The following IHO1 variants were observed in gnomAD, a reference collection of about 807,000 sequenced individuals.
The protein encoded by IHO1 is interactor of HORMAD1 1, also known as interactor of HORMAD1 protein 1.
Under a neutral mutation model 31.0 loss-of-function variants are expected in IHO1, and 13 were observed. The observed-to-expected ratio is 0.42, with a 90% confidence interval of 0.27 to 0.67. The LOEUF (loss-of-function observed/expected upper bound fraction) is 0.67. Ranked by LOEUF, IHO1 falls within the 30% of genes least tolerant of loss-of-function variation. The probability of loss-of-function intolerance (pLI) is 0.24; values close to 1 mark genes in which losing one functional copy is unlikely to be tolerated. For missense variants in IHO1, 599 were observed against 687.5 expected (o/e 0.87, Z 1.44); for synonymous variants, 221 against 248.4 (o/e 0.89, Z 1.04).
At chr3:49,223,628 T>G (rs2107702452) in intron 2 of IHO1, among the ~76,000 whole-genome samples, 1 of 151,918 alleles carries the variant, frequency 6.6e-6, no homozygotes, top group East Asian at 1.9e-4. Flanking sequence ...GAGGCAGAGC[T>G]TGCAGTGAGC....
chr3:49,240,749 C>T (rs2046621060), intron 3 of IHO1, among the ~76,000 whole-genome samples: 1 of 152,098 alleles, frequency 6.6e-6, no homozygotes, highest in Admixed American at 6.6e-5. Flanking sequence ...AATAAATGAC[C>T]TCCCTGAATG....
At chr3:49,212,883 C>T (rs1434502904) in intron 2 of IHO1, among the ~76,000 whole-genome samples, 2 of 152,174 alleles carry the variant, frequency 1.3e-5, no homozygotes, top group Admixed American at 1.3e-4. Context: ...GAGCTGGTTG[C>T]CACTGCTGGC....
chr3:49,256,137 C>A lies in IHO1; in HGVS notation c.640C>A (p.Gln214Lys). 3 of 1,603,312 alleles carry A rather than the reference C, an allele frequency of 1.9e-6. No individual in the cohort carries two copies. Among genetic ancestry groups the A allele is most frequent in the Non-Finnish European group, 1.7e-6 (2 of 1,174,660 alleles). Residue 214 changes from glutamine to lysine, a missense_variant, in exon 8 of 8, where the codon CAA becomes AAA. Coordinates refer to ENST00000452691, the MANE Select transcript of IHO1 (RefSeq NM_001135197.2). The surrounding 1 kb of genome is among the most constrained non-coding windows in gnomAD (Gnocchi z 4.6). ...LEMKKRFEAR[Q>K]GEFIEMKSNL... ...TTCTCACTGCCTCTCTCCCCAGAGACAAGGAGAGTTTATAGAAATGAAGTC... is the reference window on the plus strand; with the variant it reads ...TTCTCACTGCCTCTCTCCCCAGAGAAAAGGAGAGTTTATAGAAATGAAGTC...
chr3:49,214,607 CATAT>C lies in IHO1; in HGVS notation c.56+2794_56+2797del, dbSNP rs1311032715. 5.1e-3 allele frequency among the ~76,000 whole-genome samples: 126 copies of C among 24,784 alleles called. 7 individuals are homozygous for C. The highest frequency in any genetic ancestry group is 0.012 in the South Asian group (3 of 250). The allele number at this position is 24,784 out of a possible 152,430, so 16.3% of individuals were successfully genotyped here. On this transcript the variant is annotated intron_variant, in intron 2 of 7. Coordinates refer to ENST00000452691, the MANE Select transcript of IHO1 (RefSeq NM_001135197.2). Reference sequence around the variant, plus strand: ...TGAAAAACTATCTTTATTTCTAGATCATATATATATATATATATATATATATTTT... The same window carrying C: ...TGAAAAACTATCTTTATTTCTAGATCATATATATATATATATATATATTTT...
chr3:49,216,890 CTCA>C (rs2046293171), intron 2 of IHO1, among the ~76,000 whole-genome samples: 2 of 152,190 alleles, frequency 1.3e-5, no homozygotes, highest in African/African-American at 4.8e-5. Context: ...TGCAGAAATG[CTCA>C]TCATCACTTG....
At chr3:49,238,899 T>C (rs2107722785) in intron 3 of IHO1, among the ~76,000 whole-genome samples, 1 of 152,276 alleles carries the variant, frequency 6.6e-6, no homozygotes, top group South Asian at 2.1e-4. Context: ...CTGGAGCACA[T>C]TCCTTGAGGG....
At chr3:49,192,761 TGGC>T in the IHO1 span, among the ~76,000 whole-genome samples, 1 of 152,090 alleles carries the variant, frequency 6.6e-6, no homozygotes, top group Admixed American at 6.5e-5. Flanking sequence ...CTGGGTGTGG[TGGC>T]ATATACCTGT....
At chr3:49,241,421 T>A (rs867453373) in intron 4 of IHO1, 32 bp downstream of exon 4, 1 of 1,560,574 alleles carries the variant, frequency 6.4e-7, no homozygotes. Context: ...ATGAAAGAAC[T>A]CACCTTTTCT....
At chr3:49,224,676 C>T (rs1285100361) in intron 2 of IHO1, among the ~76,000 whole-genome samples, 4 of 152,070 alleles carry the variant, frequency 2.6e-5, no homozygotes, top group Non-Finnish European at 4.4e-5. Context: ...ACCTGCCCTT[C>T]GTATCCCATT....
chr3:49,229,291 C>T (rs1040494310), intron 2 of IHO1, among the ~76,000 whole-genome samples: 4 of 152,330 alleles, frequency 2.6e-5, no homozygotes, highest in Admixed American at 6.5e-5. Flanking sequence ...AGCCTTCTGC[C>T]TGGGGAAACC....
intron 2 of IHO1, among the ~76,000 whole-genome samples, chr3:49,222,528 T>C (rs1313047948): frequency 6.6e-6 from 1 of 152,170 alleles, no homozygotes. Context: ...TTGATGTGAT[T>C]AGGATTTGCA....
At chr3:49,194,886 A>AC (rs1575558320), upstream of IHO1, among the ~76,000 whole-genome samples, 2 of 151,610 alleles carry the variant, frequency 1.3e-5, no homozygotes, top group East Asian at 3.9e-4. Context: ...ACAGAATGAG[A>AC]CCCCGTCTCA....
chr3:49,257,461 C>A lies in IHO1; in HGVS notation c.*179C>A. 3.2e-6 allele frequency: 2 copies of A among 631,084 alleles called. No homozygotes were observed. The highest frequency in any genetic ancestry group is 2.9e-5 in the Admixed American group (1 of 35,048). The allele number at this position is 631,084 out of a possible 1,614,324, so 39.1% of individuals were successfully genotyped here. On this transcript the variant is annotated 3_prime_UTR_variant, in exon 8 of 8. Coordinates refer to ENST00000452691, the MANE Select transcript of IHO1 (RefSeq NM_001135197.2). ...AGCATTCTGGGTACCAGGTGCTGCC[C>A]CTGACAAGGATTAAGTGCATCCTTA...
chr3:49,217,379 A>G (rs1225608120), intron 2 of IHO1, among the ~76,000 whole-genome samples: 3 of 151,896 alleles, frequency 2.0e-5, no homozygotes, highest in Admixed American at 1.3e-4. Context: ...TAAGCAAACT[A>G]TCACAAGGAC....
At chr3:49,213,046 C>CA (rs1373317660) in intron 2 of IHO1, among the ~76,000 whole-genome samples, 1 of 152,232 alleles carries the variant, frequency 6.6e-6, no homozygotes, top group Non-Finnish European at 1.5e-5. Flanking sequence ...CTGAGCTAGA[C>CA]ACAAAAGTTC....
chr3:49,222,375 T>C (rs1266627826), intron 2 of IHO1, among the ~76,000 whole-genome samples: 1 of 151,938 alleles, frequency 6.6e-6, no homozygotes, highest in Non-Finnish European at 1.5e-5. Flanking sequence ...TTGTATGAGG[T>C]GTCCAAGGAA....
chr3:49,193,717 A>T (rs919492933), upstream of IHO1, among the ~76,000 whole-genome samples: 2 of 148,290 alleles, frequency 1.3e-5, no homozygotes, highest in Admixed American at 6.9e-5. Context: ...TAATCCCAGC[A>T]TTCTGGGAGG....
At chr3:49,244,872 T>A in intron 6 of IHO1, 139 bp downstream of exon 6, 1 of 760,686 alleles carries the variant, frequency 1.3e-6, no homozygotes, top group Non-Finnish European at 2.3e-6. Context: ...GGGTTAGTCC[T>A]GAAGAGATGT....
At chr3:49,233,820 A>ATCCTCATTC (rs1412184138) in intron 2 of IHO1, among the ~76,000 whole-genome samples, 1 of 152,206 alleles carries the variant, frequency 6.6e-6, no homozygotes, top group African/African-American at 2.4e-5. Context: ...GTTTACCAGA[A>ATCCTCATTC]TGAGGGCAAG....
Sources: gnomAD v4.1 joint callset for allele counts (sites outside exome capture counted in the v4.1 genomes callset) on GRCh38, gnomAD v4.1.1 for gene constraint, Gnocchi (gnomAD v3.1) non-coding constraint, MANE v1.5 for transcripts, NCBI Gene and HGNC (gene_info 2026-07-23, HGNC 2026-07-21) for gene names.